GRAMD1C: variants seen among roughly 807,000 people sequenced by gnomAD.
GRAMD1C encodes GRAM domain containing 1C.
GRAMD1C carries 89 observed loss-of-function variants against 97.8 expected under a neutral mutation model. The observed-to-expected ratio is 0.91, with a 90% CI of 0.77 to 1.09. The LOEUF (loss-of-function observed/expected upper bound fraction) is 1.09. Ranked by LOEUF, GRAMD1C falls within the 50% of genes least tolerant of loss-of-function variation. The pLI, the probability that GRAMD1C is intolerant of heterozygous loss-of-function variation, is 0.00. For synonymous variants in GRAMD1C, 256 were observed against 267.0 expected, an observed-to-expected ratio of 0.96 and a Z score of 0.40; for missense variants, 740 against 766.4, an observed-to-expected ratio of 0.97 and a Z score of 0.41.
At chr3:113,890,488 T>C (rs1935678602) in intron 6 of GRAMD1C, 1 of 477,294 alleles carries the variant, frequency 2.1e-6, no homozygotes, top group Non-Finnish European at 3.7e-6. Context: ...GGTTGCACTT[T>C]GGCAAGGAAG....
chr3:113,884,731 C>T (rs1046281346), intron 6 of GRAMD1C, among the ~76,000 whole-genome samples: 1 of 151,606 alleles, frequency 6.6e-6, no homozygotes, highest in African/African-American at 2.4e-5. Flanking sequence ...CCCAGCTACT[C>T]GGGAGGCTGA....
chr3:113,904,623 T>C (rs200035621), intron 8 of GRAMD1C, among the ~76,000 whole-genome samples: 5 of 150,794 alleles, frequency 3.3e-5, no homozygotes, highest in Non-Finnish European at 5.9e-5. Context: ...TTTTTTTTTT[T>C]CTTTCTTTCT....
chr3:113,871,766 AC>A (rs377319072), intron 3 of GRAMD1C, among the ~76,000 whole-genome samples: 23 of 147,982 alleles, frequency 1.6e-4, no homozygotes, highest in African/African-American at 5.3e-4. Context: ...AAAAAAAAAA[AC>A]AACCAACAAT....
chr3:113,856,357 T>A (rs926775809), intron 2 of GRAMD1C, among the ~76,000 whole-genome samples: 1 of 152,172 alleles, frequency 6.6e-6, no homozygotes, highest in Non-Finnish European at 1.5e-5. Context: ...TCTGTAAAAC[T>A]ATAGTACAAT....
At chr3:113,845,672 TC>T (rs776998752) in intron 2 of GRAMD1C, among the ~76,000 whole-genome samples, 41 of 151,760 alleles carry the variant, frequency 2.7e-4, no homozygotes, top group Non-Finnish European at 4.7e-4. Flanking sequence ...GCCACTGCCC[TC>T]CAGCCTGGGT....
chr3:113,833,146 G>T (rs1441444525), intron 1 of GRAMD1C, among the ~76,000 whole-genome samples: 3 of 131,746 alleles, frequency 2.3e-5, no homozygotes, highest in African/African-American at 5.6e-5. Context: ...GTGTGTGTGC[G>T]TGTGTGTGTG....
chr3:113,910,134 A>G (rs1936512535), intron 9 of GRAMD1C, among the ~76,000 whole-genome samples: 1 of 152,224 alleles, frequency 6.6e-6, no homozygotes, highest in Non-Finnish European at 1.5e-5. Flanking sequence ...CTGTAATCCC[A>G]GCACTTTGGA....
intron 2 of GRAMD1C, chr3:113,850,736 G>A (rs1217079918): frequency 2.9e-5 from 43 of 1,461,362 alleles, no homozygotes; most frequent in Non-Finnish European, 3.6e-5. Context: ...CAACATCTCC[G>A]CTGCTGTAGG....
chr3:113,851,023 T>C (rs1000120285), intron 2 of GRAMD1C, among the ~76,000 whole-genome samples: 4 of 152,052 alleles, frequency 2.6e-5, no homozygotes, highest in Non-Finnish European at 4.4e-5. Context: ...AGGATGGTCT[T>C]GATCTCCTGA....
intron 10 of GRAMD1C, among the ~76,000 whole-genome samples, chr3:113,926,113 G>A (rs929393386): frequency 2.6e-5 from 4 of 152,180 alleles, no homozygotes; most frequent in Admixed American, 6.5e-5. Context: ...TGAGGTTGGG[G>A]AAGTTTTTGT....
chr3:113,862,571 T>C lies in GRAMD1C; in HGVS notation c.175-6936T>C, dbSNP rs140495271. The stretch of plus-strand genomic sequence containing the variant: ...CAAACACACATGCTCTACGAATAAT[T>C]TGTGCAGTTAACGCAATCATCACAG... On this transcript the variant is annotated intron_variant, in intron 2 of 17. Coordinates refer to ENST00000358160, the MANE Select transcript of GRAMD1C (RefSeq NM_017577.5). 2.7e-3 allele frequency among the ~76,000 whole-genome samples: 413 copies of C among 152,274 alleles called. 2 individuals carry two copies. The highest frequency in any genetic ancestry group is 9.5e-3 in the African/African-American group (396 of 41,556).
At chr3:113,907,723 GAAAT>G (rs1559807272) in intron 8 of GRAMD1C, among the ~76,000 whole-genome samples, 1 of 152,098 alleles carries the variant, frequency 6.6e-6, no homozygotes, top group African/African-American at 2.4e-5. Context: ...AGTATACAAA[GAAAT>G]AAAAGCCATC....
Position 113,933,595 on chromosome 3 carries a change from T to C in GRAMD1C, c.1294T>C (p.Phe432Leu), listed in dbSNP as rs769424563. The change falls in exon 12 of 18, where the codon TTC (phenylalanine) becomes CTC (leucine). Residue 432 changes from phenylalanine to leucine, a missense_variant. Transcript: ENST00000358160. ...ACATGATGTCCCCTACCATGATTAC[T>C]TCTATACCGTGAACAGATACTGTAT... ...LTHDVPYHDY[F>L]YTVNRYCIIR... 1.9e-6 allele frequency: 3 copies of C among 1,605,176 alleles called. No individual in the cohort carries two copies. Among genetic ancestry groups the C allele is most frequent in the South Asian group, 2.2e-5 (2 of 90,902 alleles).
rs950491484 is a variant in GRAMD1C at position 113,946,821 on chromosome 3, G to A, written c.*1343G>A. 2 of 152,196 alleles carry A rather than the reference G, an allele frequency of 1.3e-5. No individual in the cohort carries two copies. The highest frequency in any genetic ancestry group is 2.4e-5 in the African/African-American group (1 of 41,450). 9.4% of individuals were successfully genotyped at this position (152,196 alleles called of 1,614,324 possible). ...TGTAGAGAATGAAAGTATTGACTCCGTTAGAGGGAAAATGGGTTTCTCTGG... is the reference window on the plus strand; with the variant it reads ...TGTAGAGAATGAAAGTATTGACTCCATTAGAGGGAAAATGGGTTTCTCTGG... On this transcript the variant is annotated 3_prime_UTR_variant, in exon 18 of 18. Transcript: ENST00000358160.
chr3:113,913,429 CAAAAAAAAAAAA>C (rs765510213), intron 9 of GRAMD1C, among the ~76,000 whole-genome samples: 1 of 68,298 alleles, frequency 1.5e-5, no homozygotes, highest in African/African-American at 5.4e-5. Context: ...ACTCTGTCTC[CAAAAAAAAAAAA>C]AAAAAAAAAA....
intron 1 of GRAMD1C, among the ~76,000 whole-genome samples, chr3:113,842,830 G>C (rs942145557): frequency 6.6e-6 from 1 of 151,872 alleles, no homozygotes; most frequent in Non-Finnish European, 1.5e-5. Context: ...GGGTGAGGTG[G>C]TGCACGCTTG....
chr3:113,897,044 AT>A (rs1250996145), intron 6 of GRAMD1C, among the ~76,000 whole-genome samples: 3 of 152,206 alleles, frequency 2.0e-5, no homozygotes, highest in African/African-American at 7.2e-5. Context: ...GTGATGAGAG[AT>A]GTGCCGGGTG....
intron 8 of GRAMD1C, among the ~76,000 whole-genome samples, chr3:113,906,821 C>T (rs559602380): frequency 6.6e-6 from 1 of 152,174 alleles, no homozygotes; most frequent in East Asian, 1.9e-4. Context: ...AACAGGTGTA[C>T]CATTTTCTAA....
At chr3:113,912,129 C>T (rs1936625378) in intron 9 of GRAMD1C, among the ~76,000 whole-genome samples, 1 of 152,128 alleles carries the variant, frequency 6.6e-6, no homozygotes, top group Admixed American at 6.5e-5. Context: ...ACATTCAGTC[C>T]ATACCAATAA....
Sources: gnomAD v4.1 joint callset for allele counts (sites outside exome capture counted in the v4.1 genomes callset) on GRCh38, gnomAD v4.1.1 for gene constraint, MANE v1.5 for transcripts, NCBI Gene and HGNC (gene_info 2026-07-23, HGNC 2026-07-21) for gene names.